The following SLC14A2 variants were observed in gnomAD, a reference collection of about 807,000 sequenced individuals.
The protein encoded by SLC14A2 is solute carrier family 14 member 2.
In SLC14A2, 91 loss-of-function variants were observed where a neutral mutation model predicts 104.6. That is an observed-to-expected ratio of 0.87 (90% CI 0.73 to 1.04). The LOEUF (loss-of-function observed/expected upper bound fraction) is 1.04. SLC14A2 is among the 50% of genes least tolerant of loss of function. The pLI is 0.00. For missense variants in SLC14A2, 1,189 were observed against 1,156.0 expected, an observed-to-expected ratio of 1.03 and a Z score of -0.41; for synonymous variants, 476 against 466.4, an observed-to-expected ratio of 1.02 and a Z score of -0.27.
At chr18:45,615,634 C>T (rs1180978973) in intron 1 of SLC14A2, 52 bp downstream of exon 1, 1 of 150,710 alleles carries the variant, frequency 6.6e-6, no homozygotes. Flanking sequence ...CACCCACTCT[C>T]AGGTAGTTCT....
chr18:45,460,343 C>T (rs1178808097), intron 1 of SLC14A2, among the ~76,000 whole-genome samples: 1 of 152,170 alleles, frequency 6.6e-6, no homozygotes, highest in African/African-American at 2.4e-5. Context: ...GCAGCACCCT[C>T]CCAATGAAGT....
At chr18:45,671,546 C>T (rs2046136881) in intron 16 of SLC14A2, among the ~76,000 whole-genome samples, 2 of 152,066 alleles carry the variant, frequency 1.3e-5, no homozygotes, top group South Asian at 4.2e-4. Flanking sequence ...TGGCTGAGGA[C>T]AAAACTGCCC....
intron 1 of SLC14A2, among the ~76,000 whole-genome samples, chr18:45,354,521 G>A (rs2085532761): frequency 6.6e-6 from 1 of 152,244 alleles, no homozygotes; most frequent in African/African-American, 2.4e-5. Context: ...TCCCAGTTCA[G>A]TGGAGCAGAC....
chr18:45,183,763 G>T, the SLC14A2 span, among the ~76,000 whole-genome samples: 1 of 149,704 alleles, frequency 6.7e-6, no homozygotes, highest in African/African-American at 2.5e-5. Context: ...ACAGGGCCTT[G>T]CTCTGTGGCT....
intron 1 of SLC14A2, among the ~76,000 whole-genome samples, chr18:45,237,824 G>A (rs1038292164): frequency 6.6e-6 from 1 of 152,188 alleles, no homozygotes; most frequent in Admixed American, 6.5e-5. Flanking sequence ...AGAGTCTGCA[G>A]GGCCCCTGGG....
intron 1 of SLC14A2, among the ~76,000 whole-genome samples, chr18:45,428,408 A>C (rs2086465664): frequency 1.3e-5 from 2 of 152,242 alleles, no homozygotes; most frequent in South Asian, 2.1e-4. Context: ...ATAACTTTAA[A>C]AACCTGTTTT....
At chr18:45,510,253 C>T (rs2043346733) in intron 2 of SLC14A2, among the ~76,000 whole-genome samples, 1 of 152,102 alleles carries the variant, frequency 6.6e-6, no homozygotes, top group African/African-American at 2.4e-5. Flanking sequence ...TTACAGTGGT[C>T]ATTACAATTC....
intron 2 of SLC14A2, among the ~76,000 whole-genome samples, chr18:45,604,667 G>T (rs2044840995): frequency 6.6e-6 from 1 of 152,070 alleles, no homozygotes; most frequent in South Asian, 2.1e-4. Context: ...AAATATTTTT[G>T]GGCAGTCACC....
intron 2 of SLC14A2, among the ~76,000 whole-genome samples, chr18:45,488,354 G>A (rs577047740): frequency 1.3e-5 from 2 of 152,178 alleles, no homozygotes; most frequent in South Asian, 2.1e-4. Flanking sequence ...CAGCAAAGAA[G>A]TGGCATTGGC....
At chr18:45,268,799 G>C (rs1446726697) in intron 1 of SLC14A2, among the ~76,000 whole-genome samples, 1 of 152,116 alleles carries the variant, frequency 6.6e-6, no homozygotes, top group Non-Finnish European at 1.5e-5. Context: ...GACAGATAAG[G>C]CTGGACAGTC....
At chr18:45,615,836 T>TGAGAGA (rs779783446) in intron 1 of SLC14A2, among the ~76,000 whole-genome samples, 3 of 148,582 alleles carry the variant, frequency 2.0e-5, no homozygotes, top group Admixed American at 6.7e-5. Context: ...TGTGTGTGTG[T>TGAGAGA]GAGAGAGAGA....
At chr18:45,272,722 A>G (rs1402065777) in intron 1 of SLC14A2, among the ~76,000 whole-genome samples, 2 of 152,072 alleles carry the variant, frequency 1.3e-5, no homozygotes, top group African/African-American at 4.8e-5. Context: ...GTCAATAATA[A>G]CTTAGTTGTA....
intron 1 of SLC14A2, among the ~76,000 whole-genome samples, chr18:45,425,300 T>A (rs1245884447): frequency 2.0e-5 from 3 of 152,226 alleles, no homozygotes; most frequent in Non-Finnish European, 2.9e-5. Flanking sequence ...TCTAAGATTG[T>A]TAATTCTACA....
chr18:45,306,762 C>T (rs549682697), intron 1 of SLC14A2, among the ~76,000 whole-genome samples: 3 of 152,078 alleles, frequency 2.0e-5, no homozygotes, highest in African/African-American at 7.2e-5. Context: ...CTCGGGAACC[C>T]GCTTCTTCAA....
intron 1 of SLC14A2, among the ~76,000 whole-genome samples, chr18:45,355,542 C>T (rs889793606): frequency 1.4e-5 from 2 of 142,712 alleles, no homozygotes; most frequent in African/African-American, 5.4e-5. Flanking sequence ...CGCACCATTG[C>T]ACTCCAGCCT....
At chr18:45,320,550 A>G (rs1353481757) in intron 1 of SLC14A2, among the ~76,000 whole-genome samples, 1 of 152,116 alleles carries the variant, frequency 6.6e-6, no homozygotes, top group African/African-American at 2.4e-5. Flanking sequence ...TGGGGCTGAC[A>G]CCTTGCAGTG....
intron 1 of SLC14A2, among the ~76,000 whole-genome samples, chr18:45,461,995 CA>C (rs1360937501): frequency 6.6e-6 from 1 of 152,134 alleles, no homozygotes; most frequent in Admixed American, 6.5e-5. Context: ...GCGTAAGAAA[CA>C]AACTGCACAG....
At chr18:45,234,609 C>T (rs960084099) in intron 1 of SLC14A2, among the ~76,000 whole-genome samples, 50 of 152,308 alleles carry the variant, frequency 3.3e-4, no homozygotes, top group African/African-American at 1.2e-3. Context: ...GTAACACTTT[C>T]CTTCTGTTTT....
chr18:45,260,939 C>A (rs752689115), intron 1 of SLC14A2, among the ~76,000 whole-genome samples: 1 of 152,122 alleles, frequency 6.6e-6, no homozygotes, highest in African/African-American at 2.4e-5. Context: ...ACCTCAGCAT[C>A]GTGCAATATA....
Sources: allele counts gnomAD v4.1 joint callset (sites outside exome capture counted in the v4.1 genomes callset), GRCh38; gene constraint gnomAD v4.1.1; transcripts MANE v1.5; gene names NCBI Gene and HGNC (gene_info 2026-07-23, HGNC 2026-07-21).